ICA1L: variants seen among roughly 807,000 people sequenced by gnomAD.
ICA1L encodes the protein islet cell autoantigen 1 like, also known as islet cell autoantigen 1-like protein.
A neutral mutation model predicts 61.3 loss-of-function variants in ICA1L; 50 were observed. That is an observed-to-expected ratio of 0.82 (90% CI 0.65 to 1.03). The LOEUF is 1.03. Ranked by LOEUF, ICA1L falls within the 50% of genes least tolerant of loss-of-function variation. The pLI is 0.00. For synonymous variants in ICA1L, 161 were observed against 191.3 expected (o/e 0.84, Z 1.31); for missense variants, 508 against 556.7 (o/e 0.91, Z 0.88).
At chr2:202,793,498 A>T (rs1315923292) in intron 10 of ICA1L, among the ~76,000 whole-genome samples, 1,798 of 94,218 alleles carry the variant, frequency 0.019, 46 homozygotes, top group Non-Finnish European at 0.03. Flanking sequence ...CTCTACTAAA[A>T]AAAAAAAAAA....
At chr2:202,811,586 T>C (rs1693379921) in intron 9 of ICA1L, among the ~76,000 whole-genome samples, 160 bp downstream of exon 9, 3 of 136,038 alleles carry the variant, frequency 2.2e-5, no homozygotes, top group South Asian at 4.7e-4. Context: ...GGCATGAACC[T>C]GGGAGGCAGA....
intron 11 of ICA1L, among the ~76,000 whole-genome samples, chr2:202,787,885 C>T (rs1005782646): frequency 2.0e-5 from 3 of 152,184 alleles, no homozygotes; most frequent in Non-Finnish European, 2.9e-5. Context: ...CTGAGGAGGA[C>T]TTCAAGGACT....
In ICA1L at chr2:202,789,058, C is replaced by T; in HGVS notation, c.1015G>A (p.Glu339Lys). 6.2e-7 allele frequency: 1 copy of T among 1,612,612 alleles called. No individual in the cohort carries two copies. Among genetic ancestry groups the T allele is most frequent in the East Asian group, 2.2e-5 (1 of 44,874 alleles). Residue 339 changes from glutamate to lysine, a missense_variant, in exon 11 of 13, where the codon GAA becomes AAA. By Grantham distance (56) the Glu-to-Lys change is moderately conservative. Coordinates refer to ENST00000358299, the MANE Select transcript of ICA1L (RefSeq NM_001288622.3). ...VAKDLPVDSL[E>K]GEDFEKEFSF... The stretch of plus-strand genomic sequence containing the variant: ...AATTCCTTCTCAAAATCTTCTCCTT[C>T]CAATGAATCTACAGGTAGATCTTTT...
chr2:202,825,425 G>A (rs776881586), intron 3 of ICA1L: 20 of 665,636 alleles, frequency 3.0e-5, no homozygotes, highest in Non-Finnish European at 3.9e-5. Flanking sequence ...AGCTGTGATT[G>A]CACCACTGCA....
intron 9 of ICA1L, among the ~76,000 whole-genome samples, chr2:202,800,291 C>T (rs1165615633): frequency 6.6e-6 from 1 of 152,114 alleles, no homozygotes; most frequent in Non-Finnish European, 1.5e-5. Context: ...AAAGATCATA[C>T]ATATGGCAAA....
chr2:202,833,862 A>G (rs1028521070), intron 1 of ICA1L, among the ~76,000 whole-genome samples: 3 of 152,196 alleles, frequency 2.0e-5, no homozygotes, highest in African/African-American at 7.2e-5. Flanking sequence ...TGTAAAATCT[A>G]AAAAAGTTGA....
At chr2:202,795,464 GGA>G (rs1692897301) in intron 10 of ICA1L, among the ~76,000 whole-genome samples, 1 of 151,982 alleles carries the variant, frequency 6.6e-6, no homozygotes, top group African/African-American at 2.4e-5. Flanking sequence ...GCATGGTGGC[GGA>G]TGCCTGTAAT....
At chr2:202,822,895 C>G (rs1389732471) in intron 3 of ICA1L, among the ~76,000 whole-genome samples, 1 of 152,168 alleles carries the variant, frequency 6.6e-6, no homozygotes, top group East Asian at 1.9e-4. Context: ...CTAATAAAAC[C>G]ATGAACAACT....
At chr2:202,854,153 G>A (rs1490328210) in intron 1 of ICA1L, among the ~76,000 whole-genome samples, 7 of 151,644 alleles carry the variant, frequency 4.6e-5, no homozygotes, top group African/African-American at 1.7e-4. Flanking sequence ...CCTATCTCAT[G>A]TGCAGACACA....
chr2:202,820,953 A>C (rs1418869558), intron 4 of ICA1L, among the ~76,000 whole-genome samples: 2 of 152,282 alleles, frequency 1.3e-5, no homozygotes, highest in East Asian at 3.9e-4. Context: ...AAGAAGAAAA[A>C]ATTTCTTCTA....
intron 9 of ICA1L, among the ~76,000 whole-genome samples, chr2:202,806,700 T>G (rs2118802): frequency 0.39 from 59,586 of 151,864 alleles, 13,206 homozygotes; most frequent in Middle Eastern, 0.66. Context: ...TTCTTTTATT[T>G]ATTGGTCACC....
intron 1 of ICA1L, among the ~76,000 whole-genome samples, chr2:202,859,485 T>C (rs946158350): frequency 1.3e-5 from 2 of 152,346 alleles, no homozygotes. Flanking sequence ...CTGGGTGCTA[T>C]GATTGGCACT....
intron 3 of ICA1L, among the ~76,000 whole-genome samples, chr2:202,823,250 G>A (rs745438202): frequency 1.1e-4 from 16 of 152,156 alleles, no homozygotes; most frequent in Non-Finnish European, 1.6e-4. Context: ...TGAGTCAAGA[G>A]AGTCCCATAA....
chr2:202,792,811 T>A lies in ICA1L; in HGVS notation c.986-3724A>T, dbSNP rs1480468934. Among the ~76,000 whole-genome samples the A allele has an allele frequency of 2.7e-5, 4 of 150,722 alleles. No individual in the cohort carries two copies. The East Asian group carries it at 7.8e-4, about 29-fold the overall frequency. On this transcript the variant is annotated intron_variant, in intron 10 of 12. Transcript: ENST00000358299. ...AGAGTGAGACTCGGCCTCAAAAAATTAAAAAAAAATAATAATAAACTACTG... is the reference window on the plus strand; with the variant it reads ...AGAGTGAGACTCGGCCTCAAAAAATAAAAAAAAAATAATAATAAACTACTG...
chr2:202,819,327 A>C (rs1056182564), intron 5 of ICA1L, among the ~76,000 whole-genome samples: 6 of 152,230 alleles, frequency 3.9e-5, no homozygotes, highest in Non-Finnish European at 8.8e-5. Flanking sequence ...GATAACCTTC[A>C]TATTTCCTTA....
intron 5 of ICA1L, among the ~76,000 whole-genome samples, chr2:202,817,955 C>G (rs529722691): frequency 6.6e-6 from 1 of 152,214 alleles, no homozygotes; most frequent in Admixed American, 6.5e-5. Context: ...TTTATAAATT[C>G]CAGTAGAGGC....
intron 5 of ICA1L, among the ~76,000 whole-genome samples, chr2:202,817,972 T>C (rs1359475498): frequency 6.6e-6 from 1 of 152,220 alleles, no homozygotes; most frequent in African/African-American, 2.4e-5. Context: ...AGGCCTATTA[T>C]ATTTCTTGAA....
chr2:202,816,153 A>G, intron 6 of ICA1L, 144 bp from the exon 7 acceptor site: 6 of 541,436 alleles, frequency 1.1e-5, no homozygotes, highest in Admixed American at 3.8e-5. Flanking sequence ...AGTTTAGGGA[A>G]CCATAAAGCA....
chr2:202,788,793 TA>T, intron 11 of ICA1L, 36 bp downstream of exon 11: 1 of 1,610,240 alleles, frequency 6.2e-7, no homozygotes, highest in Non-Finnish European at 8.5e-7. Context: ...AAAGATAAAG[TA>T]AAGCACATAT....
Sources: gnomAD v4.1 joint callset for allele counts (sites outside exome capture counted in the v4.1 genomes callset) on GRCh38, gnomAD v4.1.1 for gene constraint, MANE v1.5 for transcripts, NCBI Gene and HGNC (gene_info 2026-07-23, HGNC 2026-07-21) for gene names.